Variants in FOXP2 observed in about 807,000 individuals in gnomAD.
FOXP2 encodes forkhead box protein P2.
In FOXP2, 12 loss-of-function variants were observed where a neutral mutation model predicts 115.8. That is an observed-to-expected ratio of 0.10 (90% CI 0.07 to 0.17). FOXP2 has a LOEUF of 0.17. Ranked by LOEUF, FOXP2 falls within the 10% of genes least tolerant of loss-of-function variation. The pLI is 1.00. For synonymous variants in FOXP2, 328 were observed against 297.7 expected, an observed-to-expected ratio of 1.10 and a Z score of -1.05; for missense variants, 629 against 843.5, an observed-to-expected ratio of 0.75 and a Z score of 3.15.
intron 2 of FOXP2, among the ~76,000 whole-genome samples, chr7:114,496,394 T>C (rs1388253036): frequency 6.6e-6 from 1 of 152,136 alleles, no homozygotes; most frequent in African/African-American, 2.4e-5. Flanking sequence ...CTAATTAAAT[T>C]AGACTTGTAA....
chr7:114,137,774 C>T (rs1225991031), intron 1 of FOXP2, among the ~76,000 whole-genome samples: 1 of 152,006 alleles, frequency 6.6e-6, no homozygotes, highest in East Asian at 1.9e-4. Context: ...GACTTGGAGA[C>T]TTTAGCTTAA....
At chr7:114,460,580 A>G (rs914859790) in intron 2 of FOXP2, among the ~76,000 whole-genome samples, 1 of 152,198 alleles carries the variant, frequency 6.6e-6, no homozygotes, top group African/African-American at 2.4e-5. Context: ...TATACTAATT[A>G]TATAATCTTG....
rs543589399 is a variant in FOXP2, at chr7:114,264,292, G to A, written c.-101-23727G>A. Among the ~76,000 whole-genome samples the A allele has an allele frequency of 1.1e-3, 173 of 151,574 alleles. 3 individuals are homozygous for A. Among genetic ancestry groups the A allele is most frequent in the Admixed American group, 8.1e-3 (124 of 15,276 alleles). ...GTTGAATACAGTAAGTACAGATACAGGTCATTCACAAAAATAGAAGTTTTT... is the reference window on the plus strand; with the variant it reads ...GTTGAATACAGTAAGTACAGATACAAGTCATTCACAAAAATAGAAGTTTTT... On this transcript the variant is annotated intron_variant, in intron 1 of 17. Coordinates refer to the FOXP2 transcript ENST00000634411.
At chr7:114,561,803 T>C (rs1800772450) in intron 3 of FOXP2, among the ~76,000 whole-genome samples, 1 of 152,134 alleles carries the variant, frequency 6.6e-6, no homozygotes, top group South Asian at 2.1e-4. Context: ...GTTTGTTTGT[T>C]TTTTGAGACA....
chr7:114,091,329 G>A (rs1326284357), intron 1 of FOXP2, among the ~76,000 whole-genome samples: 1 of 151,754 alleles, frequency 6.6e-6, no homozygotes, highest in Non-Finnish European at 1.5e-5. Context: ...TTCTTACGTT[G>A]CAACACTTTT....
rs531550712 is a variant in FOXP2 at position 114,578,388 on chromosome 7, G to C, written c.258+43682G>C. On this transcript the variant is annotated intron_variant, in intron 3 of 16. Transcript: ENST00000350908. ...TCCTATATGGACTGATAGTGTATTAGAGCTAAAAGGGGCCTTATAGTTCAT... is the reference window on the plus strand; with the variant it reads ...TCCTATATGGACTGATAGTGTATTACAGCTAAAAGGGGCCTTATAGTTCAT... 2.0e-5 allele frequency among the ~76,000 whole-genome samples: 3 copies of C among 151,982 alleles called. No homozygotes were observed. In the East Asian group the frequency reaches 5.8e-4, roughly 29 times the overall value.
intron 1 of FOXP2, among the ~76,000 whole-genome samples, chr7:114,129,913 A>C (rs944876244): frequency 6.6e-6 from 1 of 152,356 alleles, no homozygotes; most frequent in African/African-American, 2.4e-5. Flanking sequence ...AAAACTTTGA[A>C]AAATTATTTT....
chr7:114,519,187 G>A (rs17372842), intron 2 of FOXP2, among the ~76,000 whole-genome samples: 12,810 of 152,150 alleles, frequency 0.084, 602 homozygotes, highest in Middle Eastern at 0.16. Flanking sequence ...GAGTAGGGAG[G>A]TAGCAATACC....
At chr7:114,361,048 A>G (rs1791733599) in intron 2 of FOXP2, among the ~76,000 whole-genome samples, 1 of 152,154 alleles carries the variant, frequency 6.6e-6, no homozygotes, top group African/African-American at 2.4e-5. Flanking sequence ...GCCAACTAAG[A>G]TAGAACTGCC....
intron 1 of FOXP2, among the ~76,000 whole-genome samples, chr7:114,109,590 A>G (rs1265478200): frequency 6.6e-6 from 1 of 152,112 alleles, no homozygotes; most frequent in African/African-American, 2.4e-5. Context: ...AAGAAGTGTT[A>G]GTCACTGTAG....
At chr7:114,642,979 T>C (rs1805662544) in intron 7 of FOXP2, among the ~76,000 whole-genome samples, 1 of 150,800 alleles carries the variant, frequency 6.6e-6, no homozygotes, top group African/African-American at 2.4e-5. Flanking sequence ...TGGCTAATTT[T>C]TTGTATTTTT....
intron 1 of FOXP2, among the ~76,000 whole-genome samples, chr7:114,133,069 A>T (rs376103415): frequency 3.9e-4 from 59 of 152,356 alleles, no homozygotes; most frequent in Middle Eastern, 3.4e-3. Context: ...AGATAACTTA[A>T]ACAAGAGTAG....
At chr7:114,220,111 C>T (rs901522164) in intron 1 of FOXP2, among the ~76,000 whole-genome samples, 26 of 151,486 alleles carry the variant, frequency 1.7e-4, no homozygotes, top group South Asian at 6.3e-4. Context: ...CCTTGTGATC[C>T]GCCTGCCTCA....
chr7:114,584,313 T>C (rs1802019077), intron 3 of FOXP2, among the ~76,000 whole-genome samples: 1 of 152,136 alleles, frequency 6.6e-6, no homozygotes, highest in African/African-American at 2.4e-5. Context: ...TTGAACACTT[T>C]GGCTTTGCTT....
intron 3 of FOXP2, among the ~76,000 whole-genome samples, chr7:114,561,751 A>T (rs143044250): frequency 3.1e-4 from 47 of 152,144 alleles, no homozygotes; most frequent in African/African-American, 1.0e-3. Flanking sequence ...GTTCTCCATG[A>T]CCTTGGACCT....
At chr7:114,124,080 C>T (rs1791638853) in intron 1 of FOXP2, among the ~76,000 whole-genome samples, 1 of 152,040 alleles carries the variant, frequency 6.6e-6, no homozygotes, top group Non-Finnish European at 1.5e-5. Flanking sequence ...CTCTCTCTCT[C>T]TCTGTTGCCT....
intron 1 of FOXP2, among the ~76,000 whole-genome samples, chr7:114,230,816 A>G (rs943867172): frequency 2.6e-5 from 4 of 151,990 alleles, no homozygotes; most frequent in African/African-American, 9.7e-5. Context: ...GGAACAAGAC[A>G]AGAACATTCT....
intron 1 of FOXP2, among the ~76,000 whole-genome samples, chr7:114,254,612 C>T (rs1026209135): frequency 5.9e-5 from 9 of 152,098 alleles, no homozygotes; most frequent in South Asian, 2.1e-4. Context: ...GCATTCGTCA[C>T]GTAGTTCTAG....
chr7:114,146,810 A>G (rs1225360014), intron 1 of FOXP2, among the ~76,000 whole-genome samples: 1 of 152,222 alleles, frequency 6.6e-6, no homozygotes, highest in Non-Finnish European at 1.5e-5. Flanking sequence ...CAGCATCATT[A>G]TCACCCTACA....
Sources: allele counts gnomAD v4.1 joint callset (sites outside exome capture counted in the v4.1 genomes callset), GRCh38; gene constraint gnomAD v4.1.1; transcripts MANE v1.5; gene names NCBI Gene and HGNC (gene_info 2026-07-23, HGNC 2026-07-21).